The following L3MBTL4 variants were observed in gnomAD, a reference collection of about 807,000 sequenced individuals.
L3MBTL4 encodes L3MBTL histone methyl-lysine binding protein 4.
A neutral mutation model predicts 84.5 loss-of-function variants in L3MBTL4; 70 were observed. The ratio of observed to expected loss-of-function variants is 0.83; its 90% CI spans 0.68 to 1.01. The LOEUF (loss-of-function observed/expected upper bound fraction) is 1.01. Ranked by LOEUF, L3MBTL4 falls within the 50% of genes least tolerant of loss-of-function variation. L3MBTL4 has a pLI of 0.00. For missense variants in L3MBTL4, 715 were observed against 754.8 expected (o/e 0.95, Z 0.62); for synonymous variants, 274 against 259.8 (o/e 1.05, Z -0.52).
At chr18:6,221,777 A>T (rs1254079993) in intron 10 of L3MBTL4, among the ~76,000 whole-genome samples, 1 of 152,196 alleles carries the variant, frequency 6.6e-6, no homozygotes, top group African/African-American at 2.4e-5. Context: ...AGCCCCTCAG[A>T]GGCCACTTAT....
At chr18:6,234,608 C>T (rs975903388) in intron 10 of L3MBTL4, among the ~76,000 whole-genome samples, 19 of 152,070 alleles carry the variant, frequency 1.2e-4, no homozygotes, top group African/African-American at 3.9e-4. Flanking sequence ...AAATCAAAAC[C>T]GCAATGAGAT....
At chr18:5,964,875 G>GAACTC (rs1388152385) in intron 17 of L3MBTL4, among the ~76,000 whole-genome samples, 3 of 152,150 alleles carry the variant, frequency 2.0e-5, no homozygotes, top group African/African-American at 7.2e-5. Context: ...ATTCATTCAT[G>GAACTC]AACTCATCTA....
In L3MBTL4 at chr18:6,261,758, G is replaced by A. The variant is rs1309587418; in HGVS notation, c.219+2189C>T. Among the ~76,000 whole-genome samples the A allele has an allele frequency of 2.0e-5, 3 of 152,316 alleles. No homozygotes were observed. In the South Asian group the frequency reaches 6.2e-4, roughly 32 times the overall value. On this transcript the variant is annotated intron_variant, in intron 5 of 18. Transcript: ENST00000317931. The stretch of plus-strand genomic sequence containing the variant: ...AGGAGAAATTCTCAATCCTGCAGGT[G>A]TTCTTGCTCTGGCTGATGGGGCTTA...
chr18:6,057,150 C>A (rs1220874811), intron 16 of L3MBTL4, among the ~76,000 whole-genome samples: 1 of 151,998 alleles, frequency 6.6e-6, no homozygotes, highest in East Asian at 1.9e-4. Context: ...CCTGCCTCAG[C>A]CTCTCGAGTA....
At chr18:6,286,750 C>T (rs1028801753) in intron 4 of L3MBTL4, among the ~76,000 whole-genome samples, 6 of 152,272 alleles carry the variant, frequency 3.9e-5, no homozygotes, top group African/African-American at 1.4e-4. Context: ...CCACCCACAA[C>T]TGTTTCCCTC....
At chr18:6,260,581 G>A (rs1042980756) in intron 5 of L3MBTL4, 3 of 152,064 alleles carry the variant, frequency 2.0e-5, no homozygotes, top group Non-Finnish European at 2.9e-5. Flanking sequence ...TTTTCTCTCA[G>A]CTTGAACATT....
At chr18:6,096,929 G>C (rs1245813830) in intron 14 of L3MBTL4, among the ~76,000 whole-genome samples, 1 of 152,174 alleles carries the variant, frequency 6.6e-6, no homozygotes, top group Admixed American at 6.5e-5. Flanking sequence ...TGAGAGGGGA[G>C]TGCTGAGCCA....
intron 1 of L3MBTL4, among the ~76,000 whole-genome samples, chr18:6,350,839 A>T (rs1270166567): frequency 6.6e-6 from 1 of 152,224 alleles, no homozygotes; most frequent in Admixed American, 6.5e-5. Flanking sequence ...TCCATTATGG[A>T]TGAATCGATA....
intron 4 of L3MBTL4, among the ~76,000 whole-genome samples, chr18:6,271,790 G>A (rs944340251): frequency 6.6e-6 from 1 of 152,188 alleles, no homozygotes; most frequent in African/African-American, 2.4e-5. Context: ...AGACCTGGGG[G>A]CTCCTGGGAG....
At chr18:6,050,871 A>ATTT (rs2056815637) in intron 16 of L3MBTL4, among the ~76,000 whole-genome samples, 1 of 152,132 alleles carries the variant, frequency 6.6e-6, no homozygotes. Context: ...TCTGTTCTTA[A>ATTT]TGTGCTACAT....
intron 1 of L3MBTL4, among the ~76,000 whole-genome samples, chr18:6,383,598 C>A (rs930740118): frequency 6.6e-6 from 1 of 152,114 alleles, no homozygotes; most frequent in Non-Finnish European, 1.5e-5. Context: ...CTGGGTGAGG[C>A]GACGCCCTGC....
chr18:6,253,000 A>T (rs1233735706), intron 5 of L3MBTL4, among the ~76,000 whole-genome samples: 1 of 152,142 alleles, frequency 6.6e-6, no homozygotes, highest in African/African-American at 2.4e-5. Flanking sequence ...TCAAGAGATC[A>T]AGACCATCCT....
intron 1 of L3MBTL4, among the ~76,000 whole-genome samples, chr18:6,332,095 T>C (rs2052068173): frequency 6.6e-6 from 1 of 152,194 alleles, no homozygotes; most frequent in Admixed American, 6.5e-5. Flanking sequence ...AAGGCTCTTC[T>C]CACCTTGACA....
chr18:6,052,881 A>T (rs1181681699), intron 16 of L3MBTL4, among the ~76,000 whole-genome samples: 1 of 152,256 alleles, frequency 6.6e-6, no homozygotes, highest in East Asian at 1.9e-4. Flanking sequence ...CGTGCTATAC[A>T]AATGGAGTGC....
chr18:6,201,202 T>C (rs1181220145), intron 12 of L3MBTL4, among the ~76,000 whole-genome samples: 1 of 152,196 alleles, frequency 6.6e-6, no homozygotes, highest in Admixed American at 6.5e-5. Flanking sequence ...TGATGAAAAC[T>C]AAATTCATGT....
At chr18:6,082,585 C>T (rs1430039981) in intron 15 of L3MBTL4, 1 of 152,032 alleles carries the variant, frequency 6.6e-6, no homozygotes, top group Admixed American at 6.6e-5. Flanking sequence ...TTTTATGAAA[C>T]TTCAAGTTGA....
chr18:6,403,044 GGCATTTAAAGGACACAGGGCCAAT>G (rs1264687984), intron 1 of L3MBTL4, among the ~76,000 whole-genome samples: 2 of 152,162 alleles, frequency 1.3e-5, no homozygotes, highest in African/African-American at 2.4e-5. Flanking sequence ...TTTCCTGAGT[GGCATTTAAAGGACACAGGGCCAAT>G]GCTGCTAGCA....
chr18:6,030,344 A>C, intron 16 of L3MBTL4: 1 of 985,346 alleles, frequency 1.0e-6, no homozygotes, highest in Non-Finnish European at 1.2e-6. Context: ...GATAGAACAA[A>C]TAGCTAGCAA....
chr18:6,128,177 G>GAA (rs562513005), intron 14 of L3MBTL4, among the ~76,000 whole-genome samples: 1 of 137,756 alleles, frequency 7.3e-6, no homozygotes, highest in African/African-American at 2.7e-5. Flanking sequence ...CTCAGAAACT[G>GAA]AAAAAAAAAA....
Sources: gnomAD v4.1 joint callset for allele counts (sites outside exome capture counted in the v4.1 genomes callset) on GRCh38, gnomAD v4.1.1 for gene constraint, MANE v1.5 for transcripts, NCBI Gene and HGNC (gene_info 2026-07-23, HGNC 2026-07-21) for gene names.